The following PAK2 variants were observed in gnomAD, a reference collection of about 807,000 sequenced individuals.
The protein encoded by PAK2 is p21 (RAC1) activated kinase 2.
In PAK2, 21 loss-of-function variants were observed where a neutral mutation model predicts 65.9. That is an observed-to-expected ratio of 0.32 (90% CI 0.23 to 0.46). The LOEUF (loss-of-function observed/expected upper bound fraction) is 0.46, where lower values mean the gene tolerates loss of function less well. PAK2 is among the 20% of genes least tolerant of loss of function. The probability of loss-of-function intolerance (pLI) is 1.00; values close to 1 mark genes in which losing one functional copy is unlikely to be tolerated. For synonymous variants in PAK2, 204 were observed against 219.7 expected, an observed-to-expected ratio of 0.93 and a Z score of 0.63; for missense variants, 324 against 642.6, an observed-to-expected ratio of 0.50 and a Z score of 5.36.
intron 3 of PAK2, 106 bp from the exon 4 acceptor site, chr3:196,802,911 C>G: frequency 1.5e-6 from 1 of 664,614 alleles, no homozygotes; most frequent in Non-Finnish European, 2.4e-6. Context: ...CTCAAACCTA[C>G]ACTCAAAAGA....
chr3:196,791,840 C>T lies in PAK2; in HGVS notation c.187+9007C>T, dbSNP rs576254697. 1.3e-5 allele frequency among the ~76,000 whole-genome samples: 2 copies of T among 151,530 alleles called. No individual in the cohort carries two copies. The highest frequency in any genetic ancestry group is 2.1e-4 in the South Asian group (1 of 4,818). On this transcript the variant is annotated intron_variant, in intron 2 of 14. Transcript: ENST00000327134. This position sits in a 1 kb window ranked among gnomAD's most constrained non-coding sequence, Gnocchi z 4.0. ...TCGGGAGGCTGAGGCAGGAGAATGG[C>T]GGGAACCCAGGAGGCGGAGCTTGCA...
chr3:196,816,548 C>T (rs1362020774), intron 11 of PAK2, among the ~76,000 whole-genome samples: 3 of 152,090 alleles, frequency 2.0e-5, no homozygotes, highest in African/African-American at 7.2e-5. Flanking sequence ...AACTTTTAAA[C>T]TGTGACGAGT....
At chr3:196,823,262 G>A (rs964717283) in intron 13 of PAK2, among the ~76,000 whole-genome samples, 5 of 152,138 alleles carry the variant, frequency 3.3e-5, no homozygotes, top group African/African-American at 9.7e-5. Flanking sequence ...GAGTCTACAT[G>A]AGAGAGAAAA....
chr3:196,763,242 ACT>A (rs1189854866), intron 1 of PAK2, among the ~76,000 whole-genome samples: 2 of 152,090 alleles, frequency 1.3e-5, no homozygotes, highest in Non-Finnish European at 2.9e-5. Context: ...AGAATTATTA[ACT>A]CTGATACAAA....
chr3:196,829,744 AGTTTT>A lies in PAK2; in HGVS notation c.*1350_*1354del, dbSNP rs1408560246. The A allele has an allele frequency of 1.3e-5, 2 of 152,134 alleles. No individual in the cohort carries two copies. The highest frequency in any genetic ancestry group is 2.9e-5 in the Non-Finnish European group (2 of 68,028). The allele number at this position is 152,134 out of a possible 1,614,324, so 9.4% of individuals were successfully genotyped here. On this transcript the variant is annotated 3_prime_UTR_variant, in exon 15 of 15. Transcript: ENST00000327134. Reference sequence around the variant, plus strand: ...TTGAGATGTTGAGTTACTTTAGTTTAGTTTTGTTTTGTTTTTTCAAATAAGTAGAG... The same window carrying A: ...TTGAGATGTTGAGTTACTTTAGTTTAGTTTTGTTTTTTCAAATAAGTAGAG...
chr3:196,802,046 G>A lies in PAK2; in HGVS notation c.288+19G>A. On this transcript the variant is annotated intron_variant, in intron 3 of 14. Coordinates refer to ENST00000327134, the MANE Select transcript of PAK2 (RefSeq NM_002577.4). Reference sequence around the variant, plus strand: ...ATTCACTGTAAGTTAACCTAGTTCGGGCCCATTTATAACGTTTAAAATAGC... The same window carrying A: ...ATTCACTGTAAGTTAACCTAGTTCGAGCCCATTTATAACGTTTAAAATAGC... 8.0e-7 allele frequency: 1 copy of A among 1,251,356 alleles called. No homozygotes were observed. Among genetic ancestry groups the A allele is most frequent in the Non-Finnish European group, 1.2e-6 (1 of 853,264 alleles). The allele number at this position is 1,251,356 out of a possible 1,614,324, so 77.5% of individuals were successfully genotyped here. A position where few individuals can be genotyped will look rare whatever the true frequency, so the allele number is the denominator to read the frequency against.
In PAK2 at chr3:196,830,800, A is replaced by G. The variant is rs1034733221; in HGVS notation, c.*2395A>G. ...AATGTGTCATTTTTAAACAATCTTA[A>G]AAGTAATACAGAATTGTGATTTATT... On this transcript the variant is annotated 3_prime_UTR_variant, in exon 15 of 15. Coordinates refer to ENST00000327134, the MANE Select transcript of PAK2 (RefSeq NM_002577.4). The G allele has an allele frequency of 2.6e-5, 4 of 152,248 alleles. No homozygotes were observed. The highest frequency in any genetic ancestry group is 4.4e-5 in the Non-Finnish European group (3 of 68,038). The allele number at this position is 152,248 out of a possible 1,614,324, so 9.4% of individuals were successfully genotyped here. A position where few individuals can be genotyped will look rare whatever the true frequency, so the allele number is the denominator to read the frequency against.
chr3:196,742,917 C>G (rs1713255942), intron 1 of PAK2, among the ~76,000 whole-genome samples: 1 of 152,114 alleles, frequency 6.6e-6, no homozygotes, highest in African/African-American at 2.4e-5. Flanking sequence ...GAGACTCCGT[C>G]TCATTAAAAA....
intron 11 of PAK2, among the ~76,000 whole-genome samples, chr3:196,815,852 G>T (rs1716010806): frequency 6.6e-6 from 1 of 151,916 alleles, no homozygotes; most frequent in South Asian, 2.1e-4. Flanking sequence ...AGGTCAAGCA[G>T]GACACTTATT....
At chr3:196,771,112 T>G (rs950966131) in intron 1 of PAK2, among the ~76,000 whole-genome samples, 1 of 151,784 alleles carries the variant, frequency 6.6e-6, no homozygotes, top group Non-Finnish European at 1.5e-5. Flanking sequence ...TCTGGTCTTT[T>G]AAAAAAAACA....
rs1255977556 is a variant in PAK2, at chr3:196,832,034, T to C, written c.*3629T>C. On this transcript the variant is annotated 3_prime_UTR_variant, in exon 15 of 15. Coordinates refer to ENST00000327134, the MANE Select transcript of PAK2 (RefSeq NM_002577.4). ...CAGTCAACACATTGATTGAACACTCTGGCAAAGATGCTGTGGTGGATGAGG... is the reference window on the plus strand; with the variant it reads ...CAGTCAACACATTGATTGAACACTCCGGCAAAGATGCTGTGGTGGATGAGG... 6.6e-6 allele frequency: 1 copy of C among 152,216 alleles called. No homozygotes were observed. Among genetic ancestry groups the C allele is most frequent in the Non-Finnish European group, 1.5e-5 (1 of 68,042 alleles). The allele number at this position is 152,216 out of a possible 1,614,324, so 9.4% of individuals were successfully genotyped here.
intron 4 of PAK2, among the ~76,000 whole-genome samples, chr3:196,803,822 G>A (rs1481149819): frequency 6.6e-6 from 1 of 152,202 alleles, no homozygotes; most frequent in African/African-American, 2.4e-5. Flanking sequence ...CTCAGTATCT[G>A]AGATATACCG....
rs558548264 is a variant in PAK2, at chr3:196,811,192, T to C, written c.773+539T>C. On this transcript the variant is annotated intron_variant, in intron 8 of 14. Coordinates refer to ENST00000327134, the MANE Select transcript of PAK2 (RefSeq NM_002577.4). The stretch of plus-strand genomic sequence containing the variant: ...CCATTTTTGAAAACTTCCATATGAA[T>C]TCCTTCCTCCCTTCCTTCCCTTCCC... Among the ~76,000 whole-genome samples, 8 of 117,222 alleles carry C rather than the reference T, an allele frequency of 6.8e-5. No individual in the cohort carries two copies. The South Asian group carries it at 8.7e-4, about 13-fold the overall frequency. The allele number at this position is 117,222 out of a possible 152,430, so 76.9% of individuals were successfully genotyped here.
chr3:196,754,723 C>T (rs764127026), intron 1 of PAK2, among the ~76,000 whole-genome samples: 3 of 152,180 alleles, frequency 2.0e-5, no homozygotes, highest in Non-Finnish European at 2.9e-5. Flanking sequence ...TACACAGCCC[C>T]GCTGGAACCT....
At chr3:196,771,948 T>C (rs1714374953) in intron 1 of PAK2, among the ~76,000 whole-genome samples, 1 of 152,238 alleles carries the variant, frequency 6.6e-6, no homozygotes, top group African/African-American at 2.4e-5. Context: ...TATGCTGCTT[T>C]TTACTTCAAA....
chr3:196,787,896 C>T lies in PAK2; in HGVS notation c.187+5063C>T, dbSNP rs915515905. ...TTCGGCATTAGGAATGAGGGAGAAC[C>T]TTGTGTGTGTTTACACATCCGTGCT... On this transcript the variant is annotated intron_variant, in intron 2 of 14. Transcript: ENST00000327134. Among the ~76,000 whole-genome samples the T allele has an allele frequency of 3.9e-4, 59 of 152,242 alleles. 1 individual carries two copies. The highest frequency in any genetic ancestry group is 1.4e-3 in the African/African-American group (58 of 41,474).
chr3:196,796,028 G>A (rs1047976995), intron 2 of PAK2, among the ~76,000 whole-genome samples: 84 of 152,212 alleles, frequency 5.5e-4, no homozygotes, highest in African/African-American at 2.0e-3. Context: ...CGCGTGTGCA[G>A]TCCACAGTAG....
intron 13 of PAK2, among the ~76,000 whole-genome samples, 196 bp from the exon 14 acceptor site, chr3:196,827,000 A>G (rs1711900616): frequency 6.6e-6 from 1 of 152,258 alleles, no homozygotes; most frequent in South Asian, 2.1e-4. Context: ...GATTTCAGAA[A>G]AGTAACTTAA....
chr3:196,765,890 A>G (rs886120557), intron 1 of PAK2, among the ~76,000 whole-genome samples: 5 of 151,796 alleles, frequency 3.3e-5, no homozygotes, highest in African/African-American at 1.2e-4. Flanking sequence ...AAGAGCTATA[A>G]AATTAGTATC....
Sources: gnomAD v4.1 joint callset for allele counts (sites outside exome capture counted in the v4.1 genomes callset) on GRCh38, gnomAD v4.1.1 for gene constraint, Gnocchi (gnomAD v3.1) non-coding constraint, MANE v1.5 for transcripts, NCBI Gene and HGNC (gene_info 2026-07-23, HGNC 2026-07-21) for gene names.